ZNF280C: variants seen among roughly 807,000 people sequenced by gnomAD.
ZNF280C encodes the protein zinc finger protein 280C.
A neutral mutation model predicts 53.6 loss-of-function variants in ZNF280C; 14 were observed. That is an observed-to-expected ratio of 0.26 (90% CI 0.17 to 0.41). The LOEUF (loss-of-function observed/expected upper bound fraction) is 0.41, where lower values mean the gene tolerates loss of function less well. Ranked by LOEUF, ZNF280C falls within the 10% of genes least tolerant of loss-of-function variation. The pLI, the probability that ZNF280C is intolerant of heterozygous loss-of-function variation, is 1.00. For synonymous variants in ZNF280C, 203 were observed against 181.1 expected (o/e 1.12, Z -0.97); for missense variants, 416 against 547.1 (o/e 0.76, Z 2.39).
intron 1 of ZNF280C, among the ~76,000 whole-genome samples, chrX:130,263,861 C>T (rs773521146): frequency 9.2e-6 from 1 of 108,881 alleles, no homozygotes; most frequent in East Asian, 2.9e-4. Context: ...CCCGTCTCTA[C>T]TAAAAATATA....
rs1178831154 is a variant in ZNF280C, at chrX:130,205,132, G to A, written c.2183C>T (p.Ser728Phe). The A allele has an allele frequency of 8.3e-7, 1 of 1,204,942 alleles. No homozygotes were observed. The highest frequency in any genetic ancestry group is 1.1e-6 in the Non-Finnish European group (1 of 892,418). The change falls in exon 18 of 19, where the codon TCT becomes TTT. Residue 728 changes from serine (S) to phenylalanine (F), a missense_variant. Physicochemically the swap from Ser to Phe is radical, Grantham distance 155. Coordinates refer to ENST00000370978, the MANE Select transcript of ZNF280C (RefSeq NM_017666.5). ...IENVSKSTST[S>F]EPTTGCSLK ...TTAAACTTACCCAGTAGTGGGTTCAGAAGTTGAGGTACTTTTGGAAACTGA... is the reference window on the plus strand; with the variant it reads ...TTAAACTTACCCAGTAGTGGGTTCAAAAGTTGAGGTACTTTTGGAAACTGA...
Position 130,251,282 on chromosome X carries a change from C to CAAAAA in ZNF280C, c.32-4282_32-4278dup, listed in dbSNP as rs61571389. On this transcript the variant is annotated intron_variant, in intron 2 of 18. Transcript: ENST00000370978. ...AGGCAAACGCAGTAAGGACCTGTCT[C>CAAAAA]AAAAAAAAAAAAAAAAAAAAAAAAA... Among the ~76,000 whole-genome samples, 36 of 15,337 alleles carry CAAAAA rather than the reference C, an allele frequency of 2.3e-3. 3 individuals are homozygous for CAAAAA. Among genetic ancestry groups the CAAAAA allele is most frequent in the African/African-American group, 0.014 (35 of 2,590 alleles). The allele number at this position is 15,337 out of a possible 115,157, so 13.3% of individuals were successfully genotyped here. A position where few individuals can be genotyped will look rare whatever the true frequency, so the allele number is the denominator to read the frequency against.
chrX:130,267,492 T>C (rs1569442336), intron 1 of ZNF280C, among the ~76,000 whole-genome samples: 1 of 111,551 alleles, frequency 9.0e-6, no homozygotes, highest in African/African-American at 3.3e-5. Flanking sequence ...ATGACCTCGG[T>C]AAAGTTCTGT....
At chrX:130,251,297 A>AAAAAAAAAAAAAAAAAAAAAAAAC (rs2032506174) in intron 2 of ZNF280C, among the ~76,000 whole-genome samples, 1 of 101,169 alleles carries the variant, frequency 9.9e-6, no homozygotes, top group Non-Finnish European at 2.0e-5. Flanking sequence ...AAAAAAAAAA[A>AAAAAAAAAAAAAAAAAAAAAAAAC]AAAAAAAAAA....
At chrX:130,252,908 T>C (rs2124713907) in intron 2 of ZNF280C, among the ~76,000 whole-genome samples, 1 of 111,501 alleles carries the variant, frequency 9.0e-6, no homozygotes, top group South Asian at 3.8e-4. Flanking sequence ...ATTGGAAGTC[T>C]TGACTAGAGC....
intron 1 of ZNF280C, among the ~76,000 whole-genome samples, chrX:130,264,465 CTTTT>C (rs985723949): frequency 9.0e-6 from 1 of 111,054 alleles, no homozygotes; most frequent in Non-Finnish European, 1.9e-5. Flanking sequence ...ATATAATTCT[CTTTT>C]TGTTTTGCTA....
Position 130,204,768 on chromosome X carries a change from T to G in ZNF280C, c.*209A>C. ...GGAGAGAGCCAACTGGAGAAAAAAA[T>G]ATGTTAAGATATGTTAACCTGACGC... On this transcript the variant is annotated 3_prime_UTR_variant, in exon 19 of 19. Coordinates refer to ENST00000370978, the MANE Select transcript of ZNF280C (RefSeq NM_017666.5). The G allele has an allele frequency of 3.2e-6, 1 of 312,415 alleles. No individual in the cohort carries two copies. The highest frequency in any genetic ancestry group is 5.6e-6 in the Non-Finnish European group (1 of 178,253). 25.7% of individuals were successfully genotyped at this position (312,415 alleles called of 1,213,427 possible).
intron 15 of ZNF280C, among the ~76,000 whole-genome samples, chrX:130,213,704 G>A (rs1460670225): frequency 9.0e-6 from 1 of 111,421 alleles, no homozygotes; most frequent in African/African-American, 3.3e-5. Flanking sequence ...AATAAGTATT[G>A]TCTACAATGA....
In ZNF280C at chrX:130,203,931, A is replaced by G. The variant is rs771460041; in HGVS notation, c.*1046T>C. The G allele has an allele frequency of 9.1e-6, 1 of 109,578 alleles. No homozygotes were observed. The highest frequency in any genetic ancestry group is 4.0e-4 in the South Asian group (1 of 2,521). 9.0% of individuals were successfully genotyped at this position (109,578 alleles called of 1,213,427 possible). On this transcript the variant is annotated 3_prime_UTR_variant, in exon 19 of 19. Coordinates refer to ENST00000370978, the MANE Select transcript of ZNF280C (RefSeq NM_017666.5). ...GATGTTGAAGCACTGATCTAAAAAC[A>G]ATATAAAACCAAGCTACCAAAATAA... is the stretch of plus-strand genomic sequence containing the variant.
At chrX:130,239,341 G>A (rs2032364841) in intron 6 of ZNF280C, among the ~76,000 whole-genome samples, 1 of 111,113 alleles carries the variant, frequency 9.0e-6, no homozygotes, top group African/African-American at 3.3e-5. Flanking sequence ...GGTTCCAAGT[G>A]AAAAAGAGTG....
chrX:130,257,361 C>A (rs1336957300), intron 2 of ZNF280C, among the ~76,000 whole-genome samples: 1 of 111,069 alleles, frequency 9.0e-6, no homozygotes, highest in Non-Finnish European at 1.9e-5. Flanking sequence ...CATGCTCACC[C>A]GTGAACAGTA....
At chrX:130,212,616 G>A (rs970403066) in intron 15 of ZNF280C, among the ~76,000 whole-genome samples, 3 of 102,279 alleles carry the variant, frequency 2.9e-5, no homozygotes, top group Non-Finnish European at 4.0e-5. Context: ...TGTAGGTGGC[G>A]TTGGGGGGTG....
intron 12 of ZNF280C, among the ~76,000 whole-genome samples, chrX:130,223,488 G>A (rs1156715044): frequency 2.7e-5 from 3 of 112,247 alleles, no homozygotes; most frequent in Non-Finnish European, 5.6e-5. Flanking sequence ...GTTAGGGAAT[G>A]TGACACTGGG....
At chrX:130,249,372 G>A (rs2032483527) in intron 2 of ZNF280C, among the ~76,000 whole-genome samples, 2 of 112,219 alleles carry the variant, frequency 1.8e-5, no homozygotes, top group African/African-American at 6.5e-5. Context: ...AATGGGCCCT[G>A]CTGTCACTGC....
intron 9 of ZNF280C, among the ~76,000 whole-genome samples, chrX:130,229,666 T>C (rs1325181453): frequency 8.9e-6 from 1 of 112,323 alleles, no homozygotes; most frequent in Non-Finnish European, 1.9e-5. Flanking sequence ...GAACCTTTTG[T>C]TTTATCTAAT....
At chrX:130,237,724 AAAATGATTTTTTCCTTAAACAG>A (rs1457338822) in intron 6 of ZNF280C, among the ~76,000 whole-genome samples, 2 of 111,419 alleles carry the variant, frequency 1.8e-5, no homozygotes, top group Non-Finnish European at 3.8e-5. Context: ...CTTTGAGATA[AAAATGATTTTTTCCTTAAACAG>A]AAATGATTTT....
chrX:130,250,319 G>C (rs2032494014), intron 2 of ZNF280C, among the ~76,000 whole-genome samples: 1 of 111,225 alleles, frequency 9.0e-6, no homozygotes, highest in South Asian at 3.8e-4. Flanking sequence ...ATTGAGACAA[G>C]AAAAACCATT....
intron 5 of ZNF280C, among the ~76,000 whole-genome samples, chrX:130,240,617 A>G (rs912411554): frequency 1.8e-5 from 2 of 112,485 alleles, no homozygotes; most frequent in African/African-American, 6.4e-5. Context: ...CTCTGAATAA[A>G]GGTAACACTT....
At chrX:130,234,967 A>T (rs1467306899) in intron 8 of ZNF280C, among the ~76,000 whole-genome samples, 1 of 111,483 alleles carries the variant, frequency 9.0e-6, no homozygotes, top group African/African-American at 3.3e-5. Flanking sequence ...TGAGTGTTGA[A>T]AATTAAAATG....
Sources: gnomAD v4.1 joint callset for allele counts (sites outside exome capture counted in the v4.1 genomes callset) on GRCh38, gnomAD v4.1.1 for gene constraint, MANE v1.5 for transcripts, NCBI Gene and HGNC (gene_info 2026-07-23, HGNC 2026-07-21) for gene names.